Variants in TENM3 observed in about 807,000 individuals in gnomAD.
The protein encoded by TENM3 is teneurin transmembrane protein 3.
TENM3 carries 63 observed loss-of-function variants against 255.1 expected under a neutral mutation model. The ratio of observed to expected loss-of-function variants is 0.25; its 90% CI spans 0.20 to 0.30. TENM3 has a LOEUF of 0.30. Among genes scored for constraint, TENM3 ranks in the 10% least tolerant of loss-of-function variants. The pLI is 1.00. For synonymous variants in TENM3, 1,306 were observed against 1,322.3 expected (o/e 0.99, Z 0.27); for missense variants, 2,929 against 3,461.1 (o/e 0.85, Z 3.86).
intron 3 of TENM3, among the ~76,000 whole-genome samples, chr4:182,351,284 A>G (rs1303310385): frequency 6.6e-6 from 1 of 152,220 alleles, no homozygotes; most frequent in Non-Finnish European, 1.5e-5. Context: ...AAAACATGTA[A>G]TAAAGTTAGT....
intron 3 of TENM3, among the ~76,000 whole-genome samples, chr4:182,382,201 GCT>G (rs1218854563): frequency 1.3e-5 from 2 of 152,178 alleles, no homozygotes; most frequent in East Asian, 3.9e-4. Flanking sequence ...ATCTGAATTG[GCT>G]CTGTTTTGCT....
intron 6 of TENM3, among the ~76,000 whole-genome samples, chr4:182,671,709 A>G (rs897566344): frequency 3.9e-5 from 6 of 152,238 alleles, no homozygotes; most frequent in Non-Finnish European, 8.8e-5. Context: ...CACTCAGTAA[A>G]AATGAACTCA....
chr4:182,668,172 G>T (rs557678622), intron 6 of TENM3, among the ~76,000 whole-genome samples: 1 of 151,938 alleles, frequency 6.6e-6, no homozygotes, highest in African/African-American at 2.4e-5. Context: ...CCTACCTTGG[G>T]TTTATGGTGT....
the TENM3 span, among the ~76,000 whole-genome samples, chr4:181,856,440 A>G: frequency 1.1e-3 from 170 of 152,284 alleles, 2 homozygotes; most frequent in African/African-American, 3.9e-3. Context: ...AACCCATTTG[A>G]GATTTTATTA....
At chr4:181,805,332 C>A in the TENM3 span, among the ~76,000 whole-genome samples, 1 of 152,004 alleles carries the variant, frequency 6.6e-6, no homozygotes, top group African/African-American at 2.4e-5. Context: ...TCTTAAAGTG[C>A]AGACCACATT....
chr4:182,746,619 G>A (rs1429637603), intron 19 of TENM3, among the ~76,000 whole-genome samples: 1 of 152,178 alleles, frequency 6.6e-6, no homozygotes, highest in Non-Finnish European at 1.5e-5. Context: ...TCCTGAACAA[G>A]TGGCACACTC....
chr4:182,565,954 ACT>A (rs990154448), intron 3 of TENM3, among the ~76,000 whole-genome samples: 2 of 152,078 alleles, frequency 1.3e-5, no homozygotes, highest in Non-Finnish European at 2.9e-5. Context: ...TAGATCCACC[ACT>A]CTGATCAAAG....
At chr4:182,212,430 T>G (rs979801986) in intron 1 of TENM3, among the ~76,000 whole-genome samples, 1 of 152,178 alleles carries the variant, frequency 6.6e-6, no homozygotes, top group African/African-American at 2.4e-5. Flanking sequence ...AGGCGCCCGT[T>G]GGCCACCTCT....
chr4:182,606,636 AC>A (rs752571339), intron 4 of TENM3, among the ~76,000 whole-genome samples: 13 of 152,124 alleles, frequency 8.5e-5, no homozygotes, highest in Non-Finnish European at 1.5e-4. Flanking sequence ...GGTTTCCAAA[AC>A]CATTCTCTCA....
At chr4:181,787,738 TACCTATAA>T in the TENM3 span, among the ~76,000 whole-genome samples, 1 of 152,090 alleles carries the variant, frequency 6.6e-6, no homozygotes, top group Non-Finnish European at 1.5e-5. Context: ...ATCCACCTAT[TACCTATAA>T]ACCCTGTTTC....
chr4:181,846,785 C>A, the TENM3 span, among the ~76,000 whole-genome samples: 1 of 152,170 alleles, frequency 6.6e-6, no homozygotes, highest in Non-Finnish European at 1.5e-5. Flanking sequence ...AGGATCTCTG[C>A]CCTAAATCGT....
chr4:181,671,422 G>A, the TENM3 span, among the ~76,000 whole-genome samples: 2 of 152,136 alleles, frequency 1.3e-5, no homozygotes, highest in Non-Finnish European at 2.9e-5. Context: ...TGGGCAGAGT[G>A]TGATCTTGAG....
chr4:182,217,484 C>G (rs936018812), intron 1 of TENM3, among the ~76,000 whole-genome samples: 6 of 152,162 alleles, frequency 3.9e-5, no homozygotes, highest in Non-Finnish European at 7.4e-5. Flanking sequence ...CTCGCCTAAC[C>G]TAGTGCCTGT....
the TENM3 span, among the ~76,000 whole-genome samples, chr4:182,066,670 G>A: frequency 4.6e-5 from 7 of 150,750 alleles, no homozygotes; most frequent in South Asian, 2.1e-4. Flanking sequence ...CAGCACTTTC[G>A]GAGGCCAAGG....
At chr4:181,612,076 C>G in the TENM3 span, among the ~76,000 whole-genome samples, 4 of 152,132 alleles carry the variant, frequency 2.6e-5, no homozygotes, top group African/African-American at 9.7e-5. Context: ...TCAGGGATCT[C>G]GTGTTCCTTT....
intron 1 of TENM3, among the ~76,000 whole-genome samples, chr4:182,287,700 G>A (rs1395521477): frequency 3.3e-5 from 5 of 151,592 alleles, no homozygotes; most frequent in Admixed American, 6.6e-5. Flanking sequence ...TGCAAGCTCC[G>A]CCTCCCAGGT....
chr4:181,887,620 G>A, the TENM3 span, among the ~76,000 whole-genome samples: 1 of 152,052 alleles, frequency 6.6e-6, no homozygotes, highest in Non-Finnish European at 1.5e-5. Context: ...GCCTTCTTCC[G>A]ACATTCTTCA....
Position 182,800,228 on chromosome 4 carries a change from G to A in TENM3, c.7977G>A (p.Leu2659=), listed in dbSNP as rs753659997. 2.5e-6 allele frequency: 4 copies of A among 1,592,830 alleles called. No individual in the cohort carries two copies. Among genetic ancestry groups the A allele is most frequent in the South Asian group, 1.1e-5 (1 of 90,256 alleles). The change falls in exon 28 of 28, where the codon CTG becomes CTA. Residue 2659 remains leucine, a synonymous_variant. Coordinates refer to ENST00000511685, the MANE Select transcript of TENM3 (RefSeq NM_001080477.4). The part of the protein sequence containing the change: ...LWTEGEKRQL[L]SAGKVQGYDG... ...CGGAGGGCGAGAAGCGGCAGCTGCT[G>A]AGCGCCGGCAAGGTGCAGGGCTACG...
chr4:182,071,942 C>CCAAAA, the TENM3 span, among the ~76,000 whole-genome samples: 1 of 152,058 alleles, frequency 6.6e-6, no homozygotes, highest in Non-Finnish European at 1.5e-5. Flanking sequence ...AAAACCAAAA[C>CCAAAA]CAAAACAAAA....
Sources: gnomAD v4.1 joint callset for allele counts (sites outside exome capture counted in the v4.1 genomes callset) on GRCh38, gnomAD v4.1.1 for gene constraint, MANE v1.5 for transcripts, NCBI Gene and HGNC (gene_info 2026-07-23, HGNC 2026-07-21) for gene names.